PCDH15: variants seen among roughly 807,000 people sequenced by gnomAD.
PCDH15 encodes protocadherin-15.
A neutral mutation model predicts 178.5 loss-of-function variants in PCDH15; 129 were observed. The ratio of observed to expected loss-of-function variants is 0.72; its 90% CI spans 0.63 to 0.84. The LOEUF (loss-of-function observed/expected upper bound fraction) is 0.84, where lower values mean the gene tolerates loss of function less well. Among genes scored for constraint, PCDH15 ranks in the 40% least tolerant of loss-of-function variants. PCDH15 has a pLI of 0.00. For synonymous variants in PCDH15, 800 were observed against 732.0 expected, an observed-to-expected ratio of 1.09 and a Z score of -1.50; for missense variants, 2,230 against 2,099.9, an observed-to-expected ratio of 1.06 and a Z score of -1.21.
chr10:53,992,336 C>T (rs1209379832), intron 21 of PCDH15, among the ~76,000 whole-genome samples: 11 of 152,176 alleles, frequency 7.2e-5, no homozygotes, highest in African/African-American at 1.7e-4. Context: ...CGACAGTCTG[C>T]GGCTTCCTTC....
intron 1 of PCDH15, among the ~76,000 whole-genome samples, chr10:54,797,918 G>A (rs1476041823): frequency 2.6e-5 from 4 of 151,970 alleles, no homozygotes; most frequent in African/African-American, 9.7e-5. Context: ...ATACACCACA[G>A]TTGAAAATTG....
intron 8 of PCDH15, among the ~76,000 whole-genome samples, chr10:54,301,170 T>C (rs577822870): frequency 1.1e-4 from 16 of 152,276 alleles, no homozygotes; most frequent in African/African-American, 3.8e-4. Flanking sequence ...GGCTTCATTC[T>C]TGAAGTCAGT....
chr10:55,547,289 G>T (rs1040526340), intron 2 of PCDH15, among the ~76,000 whole-genome samples: 1 of 152,128 alleles, frequency 6.6e-6, no homozygotes, highest in Non-Finnish European at 1.5e-5. Context: ...TTCAGAGTGT[G>T]GTGAGAGCAT....
intron 15 of PCDH15, among the ~76,000 whole-genome samples, chr10:54,125,344 C>T (rs2041902037): frequency 6.6e-6 from 1 of 152,072 alleles, no homozygotes. Flanking sequence ...GAGGTGGAAC[C>T]AGAAGTTTTA....
At position 54,185,272 on chromosome 10, in the gene PCDH15, T is replaced by A; in HGVS notation, c.1306-4A>T. 6.2e-7 allele frequency: 1 copy of A among 1,613,302 alleles called. No homozygotes were observed. The highest frequency in any genetic ancestry group is 8.5e-7 in the Non-Finnish European group (1 of 1,179,478). ...GGTGAAGCTCTGGGTCTTTTGTCTT[T>A]GAAAAAAAATGACATCGTTTCAAAC... is the stretch of plus-strand genomic sequence containing the variant. On this transcript the variant is annotated splice_polypyrimidine_tract_variant and splice_region_variant and intron_variant, in intron 11 of 37. Coordinates refer to ENST00000644397, the MANE Select transcript of PCDH15 (RefSeq NM_001384140.1).
At chr10:53,886,382 C>T (rs1389971342) in intron 26 of PCDH15, among the ~76,000 whole-genome samples, 5 of 152,102 alleles carry the variant, frequency 3.3e-5, no homozygotes, top group African/African-American at 7.2e-5. Flanking sequence ...AACGGTTAGA[C>T]TTAAATATAT....
intron 1 of PCDH15, among the ~76,000 whole-genome samples, chr10:54,698,415 G>A (rs1196973769): frequency 1.3e-5 from 2 of 152,098 alleles, no homozygotes; most frequent in East Asian, 1.9e-4. Context: ...CAATAGTTTA[G>A]TGCTGTATAG....
chr10:53,933,044 G>A (rs984255920), intron 25 of PCDH15, among the ~76,000 whole-genome samples: 2 of 151,974 alleles, frequency 1.3e-5, no homozygotes, highest in African/African-American at 4.8e-5. Context: ...ACGATTATAA[G>A]CTTCCGGAGG....
At chr10:54,284,991 T>A (rs1165362352) in intron 8 of PCDH15, among the ~76,000 whole-genome samples, 2 of 152,172 alleles carry the variant, frequency 1.3e-5, no homozygotes, top group Non-Finnish European at 2.9e-5. Context: ...AATATGGCTT[T>A]ATGTTGACTA....
intron 3 of PCDH15, among the ~76,000 whole-genome samples, chr10:54,849,480 C>T (rs1218674434): frequency 6.6e-6 from 1 of 152,140 alleles, no homozygotes; most frequent in African/African-American, 2.4e-5. Context: ...ACTGCTAAGT[C>T]GGCACTCATC....
At chr10:54,213,429 A>G (rs1310899587) in intron 10 of PCDH15, among the ~76,000 whole-genome samples, 1 of 152,184 alleles carries the variant, frequency 6.6e-6, no homozygotes, top group Non-Finnish European at 1.5e-5. Flanking sequence ...ATCTTTCAAT[A>G]TAAAGAAAAT....
intron 13 of PCDH15, among the ~76,000 whole-genome samples, chr10:54,181,808 C>T (rs1446634041): frequency 6.6e-6 from 1 of 152,176 alleles, no homozygotes; most frequent in African/African-American, 2.4e-5. Flanking sequence ...GCTATTTACA[C>T]ATAGAATAAA....
At chr10:54,055,446 C>T (rs931177013) in intron 18 of PCDH15, among the ~76,000 whole-genome samples, 2 of 152,154 alleles carry the variant, frequency 1.3e-5, no homozygotes, top group African/African-American at 4.8e-5. Flanking sequence ...ATTGTTTAAT[C>T]TTTGTTTAAA....
At chr10:54,783,757 G>T (rs1244285121) in intron 1 of PCDH15, among the ~76,000 whole-genome samples, 3 of 152,132 alleles carry the variant, frequency 2.0e-5, no homozygotes, top group Non-Finnish European at 4.4e-5. Context: ...TGGGGAGGCT[G>T]GGAGGGGAAT....
intron 1 of PCDH15, among the ~76,000 whole-genome samples, chr10:54,665,255 T>C (rs1293766278): frequency 6.6e-6 from 1 of 151,908 alleles, no homozygotes; most frequent in Non-Finnish European, 1.5e-5. Flanking sequence ...CTTCTGTCAG[T>C]GGTTGTGATG....
At chr10:54,692,874 T>G (rs534654235) in intron 1 of PCDH15, among the ~76,000 whole-genome samples, 1 of 152,176 alleles carries the variant, frequency 6.6e-6, no homozygotes, top group Non-Finnish European at 1.5e-5. Context: ...AATAAAACCA[T>G]TCTTTTTTTA....
At chr10:55,601,525 A>G (rs952602617) in intron 2 of PCDH15, among the ~76,000 whole-genome samples, 1 of 152,194 alleles carries the variant, frequency 6.6e-6, no homozygotes, top group Non-Finnish European at 1.5e-5. Flanking sequence ...ATTTTTACAC[A>G]ATATGTTATA....
intron 2 of PCDH15, among the ~76,000 whole-genome samples, chr10:54,963,882 G>A (rs1838716899): frequency 6.6e-6 from 1 of 152,182 alleles, no homozygotes; most frequent in Non-Finnish European, 1.5e-5. Context: ...AAAATTGCCA[G>A]GGAAGAAATC....
intron 2 of PCDH15, among the ~76,000 whole-genome samples, chr10:54,943,383 T>A (rs1231050926): frequency 6.6e-6 from 1 of 152,004 alleles, no homozygotes; most frequent in South Asian, 2.1e-4. Flanking sequence ...CTCACCTGAA[T>A]AATCTAAGAT....
Sources: allele counts gnomAD v4.1 joint callset (sites outside exome capture counted in the v4.1 genomes callset), GRCh38; gene constraint gnomAD v4.1.1; transcripts MANE v1.5; gene names NCBI Gene and HGNC (gene_info 2026-07-23, HGNC 2026-07-21).